Variants in RGS6 observed in about 807,000 individuals in gnomAD.
The protein encoded by RGS6 is regulator of G-protein signaling 6.
Under a neutral mutation model 78.5 loss-of-function variants are expected in RGS6, and 30 were observed. That is an observed-to-expected ratio of 0.38 (90% CI 0.29 to 0.52). The LOEUF (loss-of-function observed/expected upper bound fraction) is 0.52. Among genes scored for constraint, RGS6 ranks in the 20% least tolerant of loss-of-function variants. RGS6 has a pLI of 0.85. For missense variants in RGS6, 495 were observed against 609.7 expected (o/e 0.81, Z 1.98); for synonymous variants, 206 against 206.0 (o/e 1.00, Z 0.00).
At chr14:72,537,307 C>G (rs2097263489) in intron 16 of RGS6, among the ~76,000 whole-genome samples, 1 of 152,250 alleles carries the variant, frequency 6.6e-6, no homozygotes, top group African/African-American at 2.4e-5. Flanking sequence ...CAAGCCTTCT[C>G]TCTGTGTGCT....
chr14:72,301,562 G>T (rs909087879), intron 2 of RGS6, among the ~76,000 whole-genome samples: 2 of 152,058 alleles, frequency 1.3e-5, no homozygotes, highest in Non-Finnish European at 2.9e-5. Context: ...GTATCAGTTT[G>T]CTAGGGCTGT....
At chr14:72,403,447 A>T (rs1047587795) in intron 3 of RGS6, among the ~76,000 whole-genome samples, 7 of 152,190 alleles carry the variant, frequency 4.6e-5, no homozygotes, top group African/African-American at 1.4e-4. Flanking sequence ...TTAGAAACTG[A>T]GAAGGGTAGG....
At chr14:71,942,404 A>G (rs2090750950) in intron 1 of RGS6, among the ~76,000 whole-genome samples, 1 of 152,168 alleles carries the variant, frequency 6.6e-6, no homozygotes, top group Admixed American at 6.5e-5. Context: ...AAGGCAGCAG[A>G]TAAAGCAAGC....
chr14:72,219,191 G>T (rs2046303689), intron 2 of RGS6, among the ~76,000 whole-genome samples: 1 of 152,034 alleles, frequency 6.6e-6, no homozygotes, highest in Non-Finnish European at 1.5e-5. Flanking sequence ...ATCTTGTTCT[G>T]CCTGGACTGG....
At chr14:71,905,280 A>G in the RGS6 span, among the ~76,000 whole-genome samples, 2 of 152,230 alleles carry the variant, frequency 1.3e-5, no homozygotes, top group African/African-American at 4.8e-5. Flanking sequence ...AAAATTTCCC[A>G]GATGAACGAC....
intron 3 of RGS6, among the ~76,000 whole-genome samples, chr14:72,402,371 C>G (rs1038376792): frequency 3.3e-5 from 5 of 152,162 alleles, no homozygotes; most frequent in African/African-American, 1.2e-4. Flanking sequence ...TCGCATATAT[C>G]TTTCCTATCA....
chr14:72,141,315 T>G (rs1046611578), intron 2 of RGS6, among the ~76,000 whole-genome samples: 1 of 152,196 alleles, frequency 6.6e-6, no homozygotes, highest in Non-Finnish European at 1.5e-5. Context: ...CCAATCTTCA[T>G]GCAGATTCTG....
chr14:72,174,716 G>A (rs940718904), intron 2 of RGS6, among the ~76,000 whole-genome samples: 1 of 152,076 alleles, frequency 6.6e-6, no homozygotes, highest in Non-Finnish European at 1.5e-5. Flanking sequence ...CCACAGATTG[G>A]AAGGGACTTG....
the RGS6 span, among the ~76,000 whole-genome samples, chr14:72,611,338 G>T: frequency 1.3e-5 from 2 of 152,248 alleles, no homozygotes; most frequent in Admixed American, 6.5e-5. Flanking sequence ...GTCTAAGCCA[G>T]CACGAAGCTA....
chr14:72,153,303 G>A (rs2096720911), intron 2 of RGS6, among the ~76,000 whole-genome samples: 1 of 152,182 alleles, frequency 6.6e-6, no homozygotes, highest in African/African-American at 2.4e-5. Flanking sequence ...GCATTATCTG[G>A]TGACCACAGA....
At chr14:71,968,023 C>T (rs1352960861) in intron 2 of RGS6, among the ~76,000 whole-genome samples, 1 of 152,122 alleles carries the variant, frequency 6.6e-6, no homozygotes, top group African/African-American at 2.4e-5. Context: ...CCCTCATATT[C>T]ACAGTTTGGA....
At chr14:72,216,544 C>G (rs972155645) in intron 2 of RGS6, among the ~76,000 whole-genome samples, 4 of 152,122 alleles carry the variant, frequency 2.6e-5, no homozygotes, top group Non-Finnish European at 5.9e-5. Context: ...TGTAATAAGG[C>G]AATTTAAAGA....
chr14:72,084,932 T>G (rs531317378), intron 2 of RGS6, among the ~76,000 whole-genome samples: 1 of 152,342 alleles, frequency 6.6e-6, no homozygotes, highest in South Asian at 2.1e-4. Context: ...GACAATGTGT[T>G]TGTGCGTTTG....
At chr14:72,085,144 A>G (rs2094975708) in intron 2 of RGS6, among the ~76,000 whole-genome samples, 1 of 152,234 alleles carries the variant, frequency 6.6e-6, no homozygotes, top group African/African-American at 2.4e-5. Flanking sequence ...TACTGAGAGT[A>G]ATTATCTTTG....
At chr14:72,398,679 G>T (rs1240526074) in intron 3 of RGS6, among the ~76,000 whole-genome samples, 1 of 152,094 alleles carries the variant, frequency 6.6e-6, no homozygotes, top group Non-Finnish European at 1.5e-5. Flanking sequence ...GCTTTCTCTT[G>T]TGGGCATTTA....
intron 3 of RGS6, among the ~76,000 whole-genome samples, chr14:72,407,223 C>A (rs1350363540): frequency 6.6e-6 from 1 of 152,214 alleles, no homozygotes; most frequent in Non-Finnish European, 1.5e-5. Flanking sequence ...GATCTGCATT[C>A]TCTCTGTGTC....
chr14:71,878,819 T>G, the RGS6 span, among the ~76,000 whole-genome samples: 2 of 152,192 alleles, frequency 1.3e-5, no homozygotes, highest in African/African-American at 4.8e-5. Flanking sequence ...TTGGCCATCT[T>G]GGAACCTCTA....
intron 3 of RGS6, among the ~76,000 whole-genome samples, chr14:72,432,574 A>G (rs1219337251): frequency 3.3e-5 from 5 of 152,216 alleles, no homozygotes; most frequent in Admixed American, 6.5e-5. Flanking sequence ...TCAGAAAGCA[A>G]TGTATCTTTC....
rs140498708 is a variant in RGS6 at position 72,484,519 on chromosome 14, T to C, written c.854+6190T>C. Among the ~76,000 whole-genome samples, 345 of 152,214 alleles carry C rather than the reference T, an allele frequency of 2.3e-3. 5 individuals carry two copies. The highest frequency in any genetic ancestry group is 8.1e-3 in the African/African-American group (335 of 41,518). On this transcript the variant is annotated intron_variant, in intron 12 of 17. Coordinates refer to ENST00000553525, the MANE Select transcript of RGS6 (RefSeq NM_001204424.2). ...TTCTTCTTCCTCCAACTTGTCATAG[T>C]TTTGTGTGGTTTTTTTTTGGTGGGG...
Sources: gnomAD v4.1 joint callset for allele counts (sites outside exome capture counted in the v4.1 genomes callset) on GRCh38, gnomAD v4.1.1 for gene constraint, MANE v1.5 for transcripts, NCBI Gene and HGNC (gene_info 2026-07-23, HGNC 2026-07-21) for gene names.